The following UBE2L3 variants were observed in gnomAD, a reference collection of about 807,000 sequenced individuals.
UBE2L3 encodes ubiquitin conjugating enzyme E2 L3.
Under a neutral mutation model 17.8 loss-of-function variants are expected in UBE2L3, and 1 was observed. The ratio of observed to expected loss-of-function variants is 0.06; its 90% CI spans 0.02 to 0.27. The LOEUF (loss-of-function observed/expected upper bound fraction) is 0.27. Among genes scored for constraint, UBE2L3 ranks in the 10% least tolerant of loss-of-function variants. UBE2L3 has a pLI of 1.00. For missense variants in UBE2L3, 40 were observed against 192.6 expected, an observed-to-expected ratio of 0.21 and a Z score of 4.69; for synonymous variants, 44 against 68.5, an observed-to-expected ratio of 0.64 and a Z score of 1.76.
At chr22:21,593,441 T>G (rs999662911) in intron 2 of UBE2L3, among the ~76,000 whole-genome samples, 2 of 152,176 alleles carry the variant, frequency 1.3e-5, no homozygotes, top group Admixed American at 1.3e-4. Flanking sequence ...TTTTCCTAAT[T>G]GCCCACATGT....
At chr22:21,575,631 CTTTTTTTTTT>C (rs533923826) in intron 1 of UBE2L3, among the ~76,000 whole-genome samples, 4 of 73,428 alleles carry the variant, frequency 5.4e-5, no homozygotes, top group Admixed American at 1.9e-4. Flanking sequence ...AGTTGAATAG[CTTTTTTTTTT>C]TTTTTTTTTT....
chr22:21,607,514 TAA>T (rs758366095), intron 2 of UBE2L3, among the ~76,000 whole-genome samples: 1,995 of 108,924 alleles, frequency 0.018, 24 homozygotes, highest in African/African-American at 0.036. Flanking sequence ...GACTCCGTCT[TAA>T]AAAAAAAAAA....
At chr22:21,603,393 TGTG>T (rs933947632) in intron 2 of UBE2L3, among the ~76,000 whole-genome samples, 1 of 151,018 alleles carries the variant, frequency 6.6e-6, no homozygotes, top group Non-Finnish European at 1.5e-5. Context: ...AGCTGAGAGT[TGTG>T]GTGCATGCCT....
At chr22:21,592,620 G>C (rs1928324834) in intron 1 of UBE2L3, among the ~76,000 whole-genome samples, 1 of 152,160 alleles carries the variant, frequency 6.6e-6, no homozygotes, top group Non-Finnish European at 1.5e-5. Flanking sequence ...CTATTCAGGG[G>C]GGTTCACTGA....
At chr22:21,597,350 A>G (rs1928586066) in intron 2 of UBE2L3, among the ~76,000 whole-genome samples, 1 of 152,178 alleles carries the variant, frequency 6.6e-6, no homozygotes, top group Non-Finnish European at 1.5e-5. Context: ...TCTGTCATCC[A>G]GGCTGGAGTG....
At chr22:21,574,424 T>C (rs1394549142) in intron 1 of UBE2L3, among the ~76,000 whole-genome samples, 1 of 152,176 alleles carries the variant, frequency 6.6e-6, no homozygotes, top group Non-Finnish European at 1.5e-5. Flanking sequence ...AAGTGTGAGC[T>C]ACTTGTAGAT....
At chr22:21,567,477 A>G, upstream of UBE2L3, 2 of 592,172 alleles carry the variant, frequency 3.4e-6, no homozygotes. Flanking sequence ...ATTTTATGCA[A>G]TCAGTATTTA....
chr22:21,578,857 A>C (rs1439315639), intron 1 of UBE2L3, among the ~76,000 whole-genome samples: 1 of 151,940 alleles, frequency 6.6e-6, no homozygotes, highest in Non-Finnish European at 1.5e-5. Context: ...TCAGATGTAG[A>C]TTTCTGCCTT....
At chr22:21,585,855 GTTTT>G (rs1450628286) in intron 1 of UBE2L3, among the ~76,000 whole-genome samples, 1 of 152,172 alleles carries the variant, frequency 6.6e-6, no homozygotes, top group Non-Finnish European at 1.5e-5. Flanking sequence ...GCACCAAAGA[GTTTT>G]AGCTGGAAAT....
chr22:21,615,680 A>C (rs566151529), intron 3 of UBE2L3, among the ~76,000 whole-genome samples: 4 of 152,238 alleles, frequency 2.6e-5, no homozygotes, highest in African/African-American at 9.6e-5. Flanking sequence ...GAATTTGCCT[A>C]CTCACTAAAG....
intron 2 of UBE2L3, among the ~76,000 whole-genome samples, chr22:21,601,934 T>C (rs2148432099): frequency 7.2e-6 from 1 of 139,558 alleles, no homozygotes; most frequent in East Asian, 2.1e-4. Context: ...ATTGCGCCAC[T>C]GAACTCCAGC....
At chr22:21,586,987 G>A (rs925058963) in intron 1 of UBE2L3, among the ~76,000 whole-genome samples, 1 of 149,288 alleles carries the variant, frequency 6.7e-6, no homozygotes, top group Admixed American at 6.8e-5. Flanking sequence ...ACTTGTTCAA[G>A]CAATTCTCAT....
intron 2 of UBE2L3, among the ~76,000 whole-genome samples, chr22:21,598,117 G>A (rs1404214796): frequency 6.7e-6 from 1 of 149,918 alleles, no homozygotes; most frequent in Non-Finnish European, 1.5e-5. Flanking sequence ...AATAATATGA[G>A]TCTTTTCTCT....
rs1930130164 is a variant in UBE2L3 at position 21,623,101 on chromosome 22, G to C, written c.*1432G>C. 6.6e-6 allele frequency: 1 copy of C among 152,306 alleles called. No homozygotes were observed. The highest frequency in any genetic ancestry group is 1.5e-5 in the Non-Finnish European group (1 of 68,036). The allele number at this position is 152,306 out of a possible 1,614,324, so 9.4% of individuals were successfully genotyped here. On this transcript the variant is annotated 3_prime_UTR_variant, in exon 4 of 4. Transcript: ENST00000342192. ...TCTGCCACTGGCGGCTTCCCTTCTT[G>C]GCTCTTGGGGGGGACTAGATCCTGT...
chr22:21,621,445 T>A lies in UBE2L3; in HGVS notation c.311-70T>A, dbSNP rs888305855. 2.7e-6 allele frequency: 4 copies of A among 1,495,532 alleles called. No individual in the cohort carries two copies. The African/African-American group carries it at 5.7e-5, about 21-fold the overall frequency. 92.6% of individuals were successfully genotyped at this position (1,495,532 alleles called of 1,614,324 possible). A position where few individuals can be genotyped will look rare whatever the true frequency, so the allele number is the denominator to read the frequency against. ...GTAAAGCCAGAGTTTTGTTCCCGGA[T>A]TAGCTGCCTCTTGCCTGTGCCATTT... On this transcript the variant is annotated intron_variant, in intron 3 of 3. Transcript: ENST00000342192.
chr22:21,573,296 A>G (rs967363340), intron 1 of UBE2L3, among the ~76,000 whole-genome samples: 1 of 151,964 alleles, frequency 6.6e-6, no homozygotes, highest in Non-Finnish European at 1.5e-5. Context: ...GTCTTGTCTC[A>G]CCAGCCTTGT....
intron 1 of UBE2L3, among the ~76,000 whole-genome samples, chr22:21,580,087 C>T (rs1927540822): frequency 6.6e-6 from 1 of 152,138 alleles, no homozygotes; most frequent in Non-Finnish European, 1.5e-5. Flanking sequence ...AATACTATTC[C>T]AGAGCAAGCT....
At chr22:21,606,307 T>C (rs950291708) in intron 2 of UBE2L3, among the ~76,000 whole-genome samples, 6 of 151,724 alleles carry the variant, frequency 4.0e-5, no homozygotes, top group South Asian at 4.2e-4. Flanking sequence ...CGCGCGCGTG[T>C]GTGTGGTATG....
At chr22:21,579,368 T>A (rs1352759307) in intron 1 of UBE2L3, among the ~76,000 whole-genome samples, 2 of 152,204 alleles carry the variant, frequency 1.3e-5, no homozygotes, top group Non-Finnish European at 2.9e-5. Context: ...GGATGATGTC[T>A]TGGCATGGGT....
Sources: gnomAD v4.1 joint callset for allele counts (sites outside exome capture counted in the v4.1 genomes callset) on GRCh38, gnomAD v4.1.1 for gene constraint, MANE v1.5 for transcripts, NCBI Gene and HGNC (gene_info 2026-07-23, HGNC 2026-07-21) for gene names.